The following TTLL11 variants were observed in gnomAD, a reference collection of about 807,000 sequenced individuals.
The protein encoded by TTLL11 is tubulin polyglutamylase TTLL11.
Under a neutral mutation model 51.7 loss-of-function variants are expected in TTLL11, and 42 were observed. The ratio of observed to expected loss-of-function variants is 0.81; its 90% CI spans 0.64 to 1.05. TTLL11 has a LOEUF of 1.05. TTLL11 is among the 50% of genes least tolerant of loss of function. The probability of loss-of-function intolerance (pLI) is 0.00; values close to 1 mark genes in which losing one functional copy is unlikely to be tolerated. For synonymous variants in TTLL11, 381 were observed against 383.5 expected, an observed-to-expected ratio of 0.99 and a Z score of 0.08; for missense variants, 799 against 940.4, an observed-to-expected ratio of 0.85 and a Z score of 1.97.
At chr9:121,941,421 C>T (rs375204525) in intron 6 of TTLL11, among the ~76,000 whole-genome samples, 14 of 152,346 alleles carry the variant, frequency 9.2e-5, no homozygotes, top group African/African-American at 2.4e-4. Flanking sequence ...GTGATGACAA[C>T]AGCCGACATT....
chr9:121,998,946 T>C (rs1178455060), intron 3 of TTLL11, among the ~76,000 whole-genome samples: 1 of 152,132 alleles, frequency 6.6e-6, no homozygotes, highest in African/African-American at 2.4e-5. Flanking sequence ...GACCCAGAAT[T>C]TTCATTTTTA....
At chr9:121,824,179 A>T (rs1464488467) in intron 8 of TTLL11, among the ~76,000 whole-genome samples, 1 of 152,200 alleles carries the variant, frequency 6.6e-6, no homozygotes, top group Non-Finnish European at 1.5e-5. Flanking sequence ...CCCATCTTAC[A>T]GATTAAGAAA....
At position 121,816,622 on chromosome 9, in the gene TTLL11, T is replaced by C. The variant is rs1836417337; in HGVS notation, c.*5965A>G. On this transcript the variant is annotated 3_prime_UTR_variant, in exon 9 of 9. Transcript: ENST00000321582. ...TGCATGTGTGCATTGTGTACGTGTG[T>C]GCATGTGTGGTGTGTGCGCGCACAT... The C allele has an allele frequency of 6.6e-6, 1 of 151,198 alleles. No homozygotes were observed. Among genetic ancestry groups the C allele is most frequent in the Non-Finnish European group, 1.5e-5 (1 of 67,926 alleles). 9.4% of individuals were successfully genotyped at this position (151,198 alleles called of 1,614,324 possible). A position where few individuals can be genotyped will look rare whatever the true frequency, so the allele number is the denominator to read the frequency against.
chr9:122,089,849 C>T (rs1846214343), intron 1 of TTLL11, among the ~76,000 whole-genome samples: 1 of 152,076 alleles, frequency 6.6e-6, no homozygotes, highest in South Asian at 2.1e-4. Flanking sequence ...TGTGCAGTGG[C>T]ACAATCATAG....
intron 8 of TTLL11, among the ~76,000 whole-genome samples, chr9:121,826,483 ATATATATATATGTG>A (rs1564260286): frequency 0.052 from 2,219 of 42,778 alleles, 102 homozygotes; most frequent in African/African-American, 0.11. Flanking sequence ...ATATATATGT[ATATATATATATGTG>A]TGTGTATATA....
intron 3 of TTLL11, among the ~76,000 whole-genome samples, chr9:122,009,726 T>C (rs990855943): frequency 5.9e-5 from 9 of 151,906 alleles, no homozygotes; most frequent in African/African-American, 2.2e-4. Flanking sequence ...TATATGACTT[T>C]GTATACACAC....
Position 121,977,350 on chromosome 9 carries a change from G to A in TTLL11, c.1270-2371C>T, listed in dbSNP as rs114720602. Among the ~76,000 whole-genome samples, 496 of 152,266 alleles carry A rather than the reference G, an allele frequency of 3.3e-3. 2 individuals are homozygous for A. The highest frequency in any genetic ancestry group is 8.3e-3 in the African/African-American group (343 of 41,550). On this transcript the variant is annotated intron_variant, in intron 4 of 8. Transcript: ENST00000321582. ...CTCAATGATCTCATCTGAAAAATGA[G>A]GATAACAATAGCTATCTGTCAGGGT...
At chr9:121,877,511 T>G (rs542700839) in intron 6 of TTLL11, among the ~76,000 whole-genome samples, 40 of 152,248 alleles carry the variant, frequency 2.6e-4, no homozygotes, top group African/African-American at 8.7e-4. Flanking sequence ...AGACCCACGT[T>G]GAGCCTATTC....
chr9:121,922,168 A>C (rs1169210682), intron 6 of TTLL11, among the ~76,000 whole-genome samples: 1 of 152,164 alleles, frequency 6.6e-6, no homozygotes, highest in Non-Finnish European at 1.5e-5. Flanking sequence ...CTCTATCTCT[A>C]CCCAGAACCA....
chr9:121,824,898 A>T (rs1324965243), intron 8 of TTLL11, among the ~76,000 whole-genome samples: 1 of 152,092 alleles, frequency 6.6e-6, no homozygotes, highest in Non-Finnish European at 1.5e-5. Context: ...GGGATCCCAG[A>T]GCTATTTTTG....
intron 6 of TTLL11, among the ~76,000 whole-genome samples, chr9:121,941,311 T>A (rs1413140654): frequency 6.6e-6 from 1 of 152,178 alleles, no homozygotes; most frequent in Non-Finnish European, 1.5e-5. Flanking sequence ...TCCTCTACCC[T>A]CCTCTCTTGG....
intron 6 of TTLL11, among the ~76,000 whole-genome samples, chr9:121,944,686 CAAT>C (rs757800204): frequency 1.6e-4 from 24 of 152,112 alleles, no homozygotes; most frequent in Non-Finnish European, 2.5e-4. Context: ...AAATGGAAAT[CAAT>C]AAGCAAGTGA....
At chr9:121,844,305 C>T (rs568331581) in intron 8 of TTLL11, among the ~76,000 whole-genome samples, 1 of 150,288 alleles carries the variant, frequency 6.7e-6, no homozygotes, top group Non-Finnish European at 1.5e-5. Context: ...GAAAAAAAAA[C>T]AAAACAAAAA....
In TTLL11 at chr9:121,915,047, C is replaced by T. The variant is rs371628285; in HGVS notation, c.1482-44299G>A. Among the ~76,000 whole-genome samples, 24 of 152,302 alleles carry T rather than the reference C, an allele frequency of 1.6e-4. 1 individual carries two copies. The highest frequency in any genetic ancestry group is 4.8e-4 in the African/African-American group (20 of 41,572). ...ATTTCATCTCGATTTCCTCTGCCTC[C>T]TGTTGCTCTTTCTGTGACGGAAACC... On this transcript the variant is annotated intron_variant, in intron 6 of 8. Transcript: ENST00000321582.
intron 1 of TTLL11, among the ~76,000 whole-genome samples, chr9:122,073,087 G>T (rs529595222): frequency 1.1e-4 from 17 of 152,200 alleles, no homozygotes; most frequent in Non-Finnish European, 2.2e-4. Flanking sequence ...GAACAAGACA[G>T]ATGTGGCCCT....
rs1311960197 is a variant in TTLL11, at chr9:121,890,362, C to T, written c.1482-19614G>A. 6.6e-6 allele frequency among the ~76,000 whole-genome samples: 1 copy of T among 152,240 alleles called. No homozygotes were observed. The highest frequency in any genetic ancestry group is 2.4e-5 in the African/African-American group (1 of 41,462). On this transcript the variant is annotated intron_variant, in intron 6 of 8. Coordinates refer to ENST00000321582, the MANE Select transcript of TTLL11 (RefSeq NM_001139442.2). This position sits in a 1 kb window ranked among gnomAD's most constrained non-coding sequence, Gnocchi z 4.3. ...TCATCATGGGTCACCTGAACTTCAA[C>T]AGCCTCTTCACCAGTTTCCTGGCTC...
In TTLL11 at chr9:121,972,424, C is replaced by CATCG. The variant is rs1237784621; in HGVS notation, c.1481+1581_1481+1584dup. 2.6e-5 allele frequency among the ~76,000 whole-genome samples: 4 copies of CATCG among 152,220 alleles called. No individual in the cohort carries two copies. The East Asian group carries it at 7.7e-4, about 29-fold the overall frequency. ...ACTGGTGAACACATTATTTGGCTGC[C>CATCG]ATCGGGTCTGAGCTGCTCAGAGGAC... On this transcript the variant is annotated intron_variant, in intron 6 of 8. Transcript: ENST00000321582.
intron 3 of TTLL11, among the ~76,000 whole-genome samples, chr9:122,028,945 G>C (rs947608555): frequency 6.6e-6 from 1 of 152,048 alleles, no homozygotes; most frequent in Non-Finnish European, 1.5e-5. Context: ...AAATCCCAAG[G>C]GAAATTAGAG....
Position 121,889,846 on chromosome 9 carries a change from G to A in TTLL11, c.1482-19098C>T, listed in dbSNP as rs560239499. The stretch of plus-strand genomic sequence containing the variant: ...AATCAGGAGGCGGAGGTTGCAGTGA[G>A]CCAAGATCGCACCACTATACTCCAG... On this transcript the variant is annotated intron_variant, in intron 6 of 8. Transcript: ENST00000321582. 1.4e-3 allele frequency among the ~76,000 whole-genome samples: 188 copies of A among 134,630 alleles called. 2 individuals are homozygous for A. The highest frequency in any genetic ancestry group is 4.7e-3 in the African/African-American group (175 of 36,858). 88.3% of individuals were successfully genotyped at this position (134,630 alleles called of 152,430 possible).
Sources: allele counts gnomAD v4.1 joint callset (sites outside exome capture counted in the v4.1 genomes callset), GRCh38; gene constraint gnomAD v4.1.1; non-coding constraint Gnocchi (gnomAD v3.1); transcripts MANE v1.5; gene names NCBI Gene and HGNC (gene_info 2026-07-23, HGNC 2026-07-21).